TMEM37: variants seen among roughly 807,000 people sequenced by gnomAD.
TMEM37 encodes transmembrane protein 37.
TMEM37 carries 12 observed loss-of-function variants against 11.0 expected under a neutral mutation model. The observed-to-expected ratio is 1.09, with a 90% CI of 0.70 to 1.76. The LOEUF (loss-of-function observed/expected upper bound fraction) is 1.76, where lower values mean the gene tolerates loss of function less well. Ranked by LOEUF, TMEM37 falls within the 40% of genes most tolerant of loss-of-function variation. TMEM37 has a pLI of 0.00. For missense variants in TMEM37, 203 were observed against 251.2 expected (o/e 0.81, Z 1.30); for synonymous variants, 127 against 110.5 (o/e 1.15, Z -0.94).
chr2:119,430,164 G>A (rs937894444), upstream of TMEM37: 2 of 639,974 alleles, frequency 3.1e-6, no homozygotes, highest in South Asian at 1.9e-5. Context: ...AGCAGGTGGG[G>A]GCCACGGAGG....
At position 119,437,045 on chromosome 2, in the gene TMEM37, C is replaced by T. The variant is rs1213236427; in HGVS notation, c.178C>T (p.Leu60Phe). ...CCTGGCTGAGGACCGCCTCTTCGGG[C>T]TCTGGCACTTCTGCACCACCACCAA... ...WLLAEDRLFG[L>F]WHFCTTTNQT... Residue 60 changes from leucine (L) to phenylalanine (F), a missense_variant, in exon 2 of 2, where the codon CTC (leucine) becomes TTC (phenylalanine). Leu to Phe is a conservative substitution (Grantham distance 22). Coordinates refer to ENST00000306406, the MANE Select transcript of TMEM37 (RefSeq NM_183240.3). 2.5e-6 allele frequency: 4 copies of T among 1,608,134 alleles called. No individual in the cohort carries two copies. In the East Asian group the frequency reaches 9.0e-5, roughly 36 times the overall value.
upstream of TMEM37, among the ~76,000 whole-genome samples, chr2:119,431,325 C>T (rs75598389): frequency 0.023 from 3,528 of 152,318 alleles, 127 homozygotes; most frequent in African/African-American, 0.08. Context: ...CGTTCACACT[C>T]AGCGAGGGCC....
upstream of TMEM37, chr2:119,431,734 G>C (rs1682398248): frequency 1.7e-5 from 8 of 483,070 alleles, no homozygotes; most frequent in Admixed American, 3.7e-4. Context: ...GGAGGGCGGC[G>C]GGGTTGGCGG....
At chr2:119,432,356 C>T (rs780357302) in intron 1 of TMEM37, 1 of 158,720 alleles carries the variant, frequency 6.3e-6, no homozygotes, top group Non-Finnish European at 1.4e-5. Context: ...GGATGCGTCT[C>T]TTGGGAAGTT....
At chr2:119,432,943 A>G (rs1682432746) in intron 1 of TMEM37, among the ~76,000 whole-genome samples, 1 of 152,218 alleles carries the variant, frequency 6.6e-6, no homozygotes, top group African/African-American at 2.4e-5. Flanking sequence ...AACCGCTTCT[A>G]TAGCCAGGAC....
rs1206663957 is a variant in TMEM37 at position 119,431,881 on chromosome 2, G to A, written c.-23G>A. 2 of 1,226,568 alleles carry A rather than the reference G, an allele frequency of 1.6e-6. No homozygotes were observed. The highest frequency in any genetic ancestry group is 2.0e-6 in the Non-Finnish European group (2 of 984,598). The allele number at this position is 1,226,568 out of a possible 1,614,324, so 76.0% of individuals were successfully genotyped here. ...CGGAGCAGCTGGAGCGATCGAGGCT[G>A]CAGCGCGGCCGCCGGGCGCAGCATG... On this transcript the variant is annotated 5_prime_UTR_variant, in exon 1 of 2. Coordinates refer to ENST00000306406, the MANE Select transcript of TMEM37 (RefSeq NM_183240.3).
rs79845793 is a variant in TMEM37 at position 119,436,841 on chromosome 2, G to A, written c.22-48G>A. The A allele has an allele frequency of 9.7e-5, 143 of 1,478,028 alleles. No homozygotes were observed. The East Asian group carries it at 3.0e-3, about 31-fold the overall frequency. 91.6% of individuals were successfully genotyped at this position (1,478,028 alleles called of 1,614,324 possible). A position where few individuals can be genotyped will look rare whatever the true frequency, so the allele number is the denominator to read the frequency against. On this transcript the variant is annotated intron_variant, in intron 1 of 1. Coordinates refer to ENST00000306406, the MANE Select transcript of TMEM37 (RefSeq NM_183240.3). Reference sequence around the variant, plus strand: ...GTCTTCCCTGCAGAGGTTCCTGGGGGCGTGGCAGGGCTGTGGCTGACAGGG... The same window carrying A: ...GTCTTCCCTGCAGAGGTTCCTGGGGACGTGGCAGGGCTGTGGCTGACAGGG...
upstream of TMEM37, among the ~76,000 whole-genome samples, chr2:119,431,716 C>T (rs1370965289): frequency 6.6e-6 from 1 of 152,256 alleles, no homozygotes; most frequent in African/African-American, 2.4e-5. Context: ...CAGCGTAATC[C>T]GAGCCGCGGA....
chr2:119,434,993 A>G lies in TMEM37; in HGVS notation c.22-1896A>G, dbSNP rs1028246206. ...GCTGAACGGATTCCACCTCCTGCATATCATACAATTGTCTGGGCAGCCATA... is the reference window on the plus strand; with the variant it reads ...GCTGAACGGATTCCACCTCCTGCATGTCATACAATTGTCTGGGCAGCCATA... On this transcript the variant is annotated intron_variant, in intron 1 of 1. Coordinates refer to ENST00000306406, the MANE Select transcript of TMEM37 (RefSeq NM_183240.3). Among the ~76,000 whole-genome samples the G allele has an allele frequency of 4.6e-5, 7 of 152,282 alleles. No homozygotes were observed. The East Asian group carries it at 5.8e-4, about 13-fold the overall frequency.
chr2:119,431,106 G>GTCAT (rs566583566), upstream of TMEM37, among the ~76,000 whole-genome samples: 39 of 151,832 alleles, frequency 2.6e-4, 1 homozygote, highest in Admixed American at 5.2e-4. Context: ...CCGTGATCGC[G>GTCAT]TCATTGCACT....
At chr2:119,431,740 G>T, upstream of TMEM37, 1 of 525,928 alleles carries the variant, frequency 1.9e-6, no homozygotes, top group Non-Finnish European at 2.8e-6. Context: ...CGGCGGGGTT[G>T]GCGGAGCCCG....
chr2:119,435,724 G>A (rs1423722908), intron 1 of TMEM37, among the ~76,000 whole-genome samples: 1 of 152,174 alleles, frequency 6.6e-6, no homozygotes, highest in Non-Finnish European at 1.5e-5. Flanking sequence ...GAAATAATAT[G>A]TAACTACAAA....
Position 119,437,384 on chromosome 2 carries a change from T to C in TMEM37, c.517T>C (p.Phe173Leu). The C allele has an allele frequency of 6.2e-7, 1 of 1,614,224 alleles. No homozygotes were observed. Among genetic ancestry groups the C allele is most frequent in the Non-Finnish European group, 8.5e-7 (1 of 1,180,046 alleles). ...CGAATTCACTGCCTCCTTCCTCCTCTTCCTGAACGCCATCAGCGGCCTTCA... is the reference window on the plus strand; with the variant it reads ...CGAATTCACTGCCTCCTTCCTCCTCCTCCTGAACGCCATCAGCGGCCTTCA... ...WCEFTASFLL[F>L]LNAISGLHIN... is the part of the protein sequence containing the mutation. The change falls in exon 2 of 2, where the codon TTC (phenylalanine) becomes CTC (leucine). Residue 173 changes from phenylalanine (F) to leucine (L), a missense_variant. Physicochemically the swap from Phe to Leu is conservative, Grantham distance 22. Coordinates refer to ENST00000306406, the MANE Select transcript of TMEM37 (RefSeq NM_183240.3).
At position 119,437,161 on chromosome 2, in the gene TMEM37, C is replaced by A. The variant is rs376850578; in HGVS notation, c.294C>A (p.Ala98=). ...MGLVRSVGAL[A]VVAAIFGLEF... ...TGGTACGCAGCGTGGGCGCCTTGGC[C>A]GTGGTGGCCGCCATTTTTGGCCTGG... Residue 98 remains alanine (A), a synonymous_variant, in exon 2 of 2, where the codon GCC becomes GCA. Transcript: ENST00000306406. 6 of 1,614,124 alleles carry A rather than the reference C, an allele frequency of 3.7e-6. No individual in the cohort carries two copies. Among genetic ancestry groups the A allele is most frequent in the Non-Finnish European group, 5.1e-6 (6 of 1,180,046 alleles).
At chr2:119,430,179 G>T (rs143841178), upstream of TMEM37, 6,048 of 631,442 alleles carry the variant, frequency 9.6e-3, 39 homozygotes, top group Non-Finnish European at 0.014. Context: ...CGGAGGGAAG[G>T]CCCCAGAGCA....
At position 119,437,744 on chromosome 2, in the gene TMEM37, G is replaced by C. The variant is rs1480987871; in HGVS notation, c.*304G>C. On this transcript the variant is annotated 3_prime_UTR_variant, in exon 2 of 2. Transcript: ENST00000306406. ...AACTCCTTCTTGAATTTTCTTCCCT[G>C]GACTGGAATACAGTTGGAAGCACAG... 5 of 397,620 alleles carry C rather than the reference G, an allele frequency of 1.3e-5. No individual in the cohort carries two copies. The East Asian group carries it at 2.1e-4, about 17-fold the overall frequency. The allele number at this position is 397,620 out of a possible 1,614,324, so 24.6% of individuals were successfully genotyped here.
At chr2:119,436,045 TG>T (rs1175282934) in intron 1 of TMEM37, among the ~76,000 whole-genome samples, 1 of 152,168 alleles carries the variant, frequency 6.6e-6, no homozygotes, top group Non-Finnish European at 1.5e-5. Flanking sequence ...AAAGAGTTCC[TG>T]AAGTCTTTCT....
In TMEM37 at chr2:119,437,460, C is replaced by T. The variant is rs1302329036; in HGVS notation, c.*20C>T. ...GAATGACCGTGGAAATTTTAGGCCC[C>T]CTCCAGGGACATCAGATTCCACAAG... On this transcript the variant is annotated 3_prime_UTR_variant, in exon 2 of 2. Coordinates refer to ENST00000306406, the MANE Select transcript of TMEM37 (RefSeq NM_183240.3). 2 of 1,595,918 alleles carry T rather than the reference C, an allele frequency of 1.3e-6. No homozygotes were observed. Among genetic ancestry groups the T allele is most frequent in the East Asian group, 2.2e-5 (1 of 44,690 alleles).
rs372493345 is a variant in TMEM37, at chr2:119,432,381, G to C, written c.21+457G>C. 5.9e-3 allele frequency: 904 copies of C among 154,360 alleles called. 9 individuals are homozygous for C. The highest frequency in any genetic ancestry group is 0.021 in the African/African-American group (863 of 41,624). 9.6% of individuals were successfully genotyped at this position (154,360 alleles called of 1,614,324 possible). ...CTTGGGAAGTTAGACCTTTCTGGGG[G>C]TGGAGGTTAGGAAGACCGTCTCCCT... is the stretch of plus-strand genomic sequence containing the variant. On this transcript the variant is annotated intron_variant, in intron 1 of 1. Coordinates refer to ENST00000306406, the MANE Select transcript of TMEM37 (RefSeq NM_183240.3).
Sources: gnomAD v4.1 joint callset for allele counts (sites outside exome capture counted in the v4.1 genomes callset) on GRCh38, gnomAD v4.1.1 for gene constraint, MANE v1.5 for transcripts, NCBI Gene and HGNC (gene_info 2026-07-23, HGNC 2026-07-21) for gene names.